NRG1: variants seen among roughly 807,000 people sequenced by gnomAD.
The protein encoded by NRG1 is pro-neuregulin-1, membrane-bound isoform.
In NRG1, 18 loss-of-function variants were observed where a neutral mutation model predicts 63.8. The ratio of observed to expected loss-of-function variants is 0.28; its 90% CI spans 0.19 to 0.42. NRG1 has a LOEUF of 0.42. NRG1 is among the 10% of genes least tolerant of loss of function. The pLI, the probability that NRG1 is intolerant of heterozygous loss-of-function variation, is 1.00. For missense variants in NRG1, 762 were observed against 814.7 expected (o/e 0.94, Z 0.79); for synonymous variants, 302 against 301.3 (o/e 1.00, Z -0.02).
intron 1 of NRG1, among the ~76,000 whole-genome samples, chr8:32,540,928 G>A (rs900633063): frequency 5.3e-5 from 8 of 152,116 alleles, no homozygotes; most frequent in Non-Finnish European, 1.5e-5. Flanking sequence ...ACATCCATTT[G>A]GTTTCTGCCA....
chr8:32,521,963 C>T (rs184499909), intron 1 of NRG1, among the ~76,000 whole-genome samples: 10 of 152,166 alleles, frequency 6.6e-5, no homozygotes, highest in African/African-American at 1.7e-4. Flanking sequence ...AAGAGTTTTC[C>T]TGAAATAAAT....
chr8:32,745,596 T>A (rs1827268387), intron 7 of NRG1, among the ~76,000 whole-genome samples: 1 of 152,154 alleles, frequency 6.6e-6, no homozygotes, highest in African/African-American at 2.4e-5. Context: ...TCAAGGTTAG[T>A]CAGCTTCAAA....
intron 1 of NRG1, among the ~76,000 whole-genome samples, chr8:31,677,681 C>T (rs368972576): frequency 1.2e-4 from 18 of 152,232 alleles, no homozygotes; most frequent in South Asian, 8.3e-4. Context: ...TTCAGACTCG[C>T]GGCAGCCAGT....
chr8:32,404,848 G>A (rs1813744735), intron 1 of NRG1, among the ~76,000 whole-genome samples: 1 of 152,096 alleles, frequency 6.6e-6, no homozygotes, highest in African/African-American at 2.4e-5. Context: ...GCCTTCCAAA[G>A]TGCTGGGATT....
chr8:32,652,162 C>T (rs1006488627), intron 5 of NRG1, among the ~76,000 whole-genome samples: 3 of 152,074 alleles, frequency 2.0e-5, no homozygotes, highest in African/African-American at 4.8e-5. Flanking sequence ...GAGCTAGAGA[C>T]GAATGTAGCA....
At chr8:32,319,597 C>T (rs1350340602) in intron 1 of NRG1, among the ~76,000 whole-genome samples, 2 of 152,096 alleles carry the variant, frequency 1.3e-5, no homozygotes, top group South Asian at 2.1e-4. Context: ...AATATGATCT[C>T]GTTCCCTATG....
chr8:32,739,296 G>A lies in NRG1; in HGVS notation c.633-3379G>A, dbSNP rs189364120. Among the ~76,000 whole-genome samples, 49 of 152,014 alleles carry A rather than the reference G, an allele frequency of 3.2e-4. 1 individual carries two copies. The highest frequency in any genetic ancestry group is 2.2e-3 in the Admixed American group (33 of 15,240). On this transcript the variant is annotated intron_variant, in intron 6 of 11. Coordinates refer to ENST00000356819, the Ensembl canonical transcript of NRG1. ...TGAAGCTTCTTATTCCATAGTTCTC[G>A]GCTGTGGCCTGCGTTTACACTAGCA...
chr8:31,783,967 T>A (rs1412635335), intron 1 of NRG1, among the ~76,000 whole-genome samples: 1 of 152,304 alleles, frequency 6.6e-6, no homozygotes, highest in Non-Finnish European at 1.5e-5. Context: ...ATTCGGATGG[T>A]ACTATAAGTT....
At chr8:32,284,917 G>A (rs912711039) in intron 1 of NRG1, among the ~76,000 whole-genome samples, 1 of 152,160 alleles carries the variant, frequency 6.6e-6, no homozygotes, top group African/African-American at 2.4e-5. Flanking sequence ...GGGCGGAATG[G>A]AATATTACAC....
At chr8:32,436,741 G>C (rs535347456) in intron 1 of NRG1, among the ~76,000 whole-genome samples, 134 of 152,144 alleles carry the variant, frequency 8.8e-4, no homozygotes, top group Admixed American at 3.7e-3. Context: ...TACAAATATT[G>C]TATGTTTCTA....
At chr8:32,358,974 G>A (rs564701028) in intron 1 of NRG1, among the ~76,000 whole-genome samples, 2 of 152,182 alleles carry the variant, frequency 1.3e-5, no homozygotes, top group South Asian at 2.1e-4. Flanking sequence ...GGTTTGTTTT[G>A]TTTTGTTTTG....
chr8:32,294,695 A>G (rs1472147964), intron 1 of NRG1, among the ~76,000 whole-genome samples: 1 of 152,206 alleles, frequency 6.6e-6, no homozygotes, highest in Non-Finnish European at 1.5e-5. Context: ...GCTCTGTTCA[A>G]CCAAATCCCA....
intron 1 of NRG1, among the ~76,000 whole-genome samples, chr8:32,428,342 C>CAT (rs1554538812): frequency 6.8e-6 from 1 of 146,972 alleles, no homozygotes; most frequent in East Asian, 2.0e-4. Context: ...TGAGTGAATT[C>CAT]TTTTTTTTTT....
chr8:31,803,563 C>T (rs1452144220), intron 1 of NRG1, among the ~76,000 whole-genome samples: 2 of 152,210 alleles, frequency 1.3e-5, no homozygotes, highest in Admixed American at 1.3e-4. Flanking sequence ...CACACTGCTA[C>T]CCACCAAAAT....
At chr8:32,471,144 T>C (rs1823797776) in intron 1 of NRG1, among the ~76,000 whole-genome samples, 1 of 152,212 alleles carries the variant, frequency 6.6e-6, no homozygotes, top group South Asian at 2.1e-4. Flanking sequence ...GAACAGCCAA[T>C]TCCCTTCACT....
intron 1 of NRG1, among the ~76,000 whole-genome samples, chr8:31,840,349 C>CTTTTT (rs71992716): frequency 0.045 from 5,299 of 116,660 alleles, 312 homozygotes; most frequent in Admixed American, 0.11. Context: ...TATTCTCTGT[C>CTTTTT]TTTTTTTTTT....
chr8:31,854,480 T>C (rs1341971375), intron 1 of NRG1, among the ~76,000 whole-genome samples: 294 of 151,698 alleles, frequency 1.9e-3, no homozygotes, highest in Middle Eastern at 0.014. Flanking sequence ...TTTTTTATTG[T>C]GTCTATTTGA....
chr8:32,321,804 G>T (rs943521928), intron 1 of NRG1, among the ~76,000 whole-genome samples: 1 of 151,674 alleles, frequency 6.6e-6, no homozygotes, highest in African/African-American at 2.4e-5. Flanking sequence ...TGGATTTCTT[G>T]ATGGAGATAT....
intron 1 of NRG1, among the ~76,000 whole-genome samples, chr8:32,425,955 A>G (rs9297191): frequency 0.31 from 47,162 of 151,996 alleles, 7,826 homozygotes; most frequent in East Asian, 0.74. Flanking sequence ...GAGTGGGTAG[A>G]AACTATGGAT....
Sources: gnomAD v4.1 joint callset for allele counts (sites outside exome capture counted in the v4.1 genomes callset) on GRCh38, gnomAD v4.1.1 for gene constraint, MANE v1.5 for transcripts, NCBI Gene and HGNC (gene_info 2026-07-23, HGNC 2026-07-21) for gene names.